Variants in KLRG2 observed in about 807,000 individuals in gnomAD.
KLRG2 encodes the protein killer cell lectin like receptor G2, also known as killer cell lectin-like receptor subfamily G member 2.
Under a neutral mutation model 35.4 loss-of-function variants are expected in KLRG2, and 39 were observed. The ratio of observed to expected loss-of-function variants is 1.10; its 90% CI spans 0.85 to 1.44. KLRG2 has a LOEUF of 1.44. Ranked by LOEUF, KLRG2 falls within the 40% of genes most tolerant of loss-of-function variation. The pLI is 0.00. For synonymous variants in KLRG2, 283 were observed against 265.8 expected, an observed-to-expected ratio of 1.06 and a Z score of -0.63; for missense variants, 632 against 570.9, an observed-to-expected ratio of 1.11 and a Z score of -1.09.
At chr7:139,472,168 C>G (rs148633515) in intron 3 of KLRG2, among the ~76,000 whole-genome samples, 15 of 152,230 alleles carry the variant, frequency 9.9e-5, no homozygotes, top group African/African-American at 3.4e-4. Flanking sequence ...TAGGGACAGT[C>G]CAACAAAACG....
At chr7:139,453,982 C>A (rs1268238786) in intron 4 of KLRG2, 129 bp downstream of exon 4, 39 of 706,570 alleles carry the variant, frequency 5.5e-5, no homozygotes. Flanking sequence ...AGGCACCAGG[C>A]CGCGAGCATG....
chr7:139,474,240 G>A (rs2116469418), intron 3 of KLRG2, among the ~76,000 whole-genome samples: 1 of 152,106 alleles, frequency 6.6e-6, no homozygotes, highest in East Asian at 2.0e-4. Flanking sequence ...TGCGTAGGCT[G>A]ATCTCGAACT....
the KLRG2 span, among the ~76,000 whole-genome samples, chr7:139,445,891 G>T: frequency 6.7e-6 from 1 of 150,312 alleles, no homozygotes; most frequent in South Asian, 2.1e-4. Flanking sequence ...CAGTGCAATG[G>T]CACAATCTCG....
downstream of KLRG2, among the ~76,000 whole-genome samples, chr7:139,451,615 T>A (rs1585159551): frequency 6.6e-6 from 1 of 152,090 alleles, no homozygotes; most frequent in Non-Finnish European, 1.5e-5. Context: ...GGCTTCCCAC[T>A]CCGCTGCCAC....
In KLRG2 at chr7:139,453,766, C is replaced by T. The variant is rs1585160795; in HGVS notation, c.1110-59G>A. ...GTTTAGGGTGCCGGGGCCTTGCTTCCCAGCCAGACCCTCCAGCGTGTGTGC... is the reference window on the plus strand; with the variant it reads ...GTTTAGGGTGCCGGGGCCTTGCTTCTCAGCCAGACCCTCCAGCGTGTGTGC... On this transcript the variant is annotated intron_variant, in intron 4 of 4. Transcript: ENST00000340940. 3.7e-6 allele frequency: 6 copies of T among 1,600,066 alleles called. No individual in the cohort carries two copies. In the East Asian group the frequency reaches 6.7e-5, roughly 18 times the overall value.
At chr7:139,473,782 A>C (rs901133218) in intron 3 of KLRG2, among the ~76,000 whole-genome samples, 1 of 152,150 alleles carries the variant, frequency 6.6e-6, no homozygotes, top group African/African-American at 2.4e-5. Flanking sequence ...AAGACCGAAA[A>C]GATGGCATCC....
intron 3 of KLRG2, among the ~76,000 whole-genome samples, chr7:139,462,112 T>C (rs1212865336): frequency 6.6e-6 from 1 of 152,212 alleles, no homozygotes; most frequent in African/African-American, 2.4e-5. Context: ...CCTTTCCTTT[T>C]CTGGTAGAGA....
chr7:139,444,264 C>A, the KLRG2 span, among the ~76,000 whole-genome samples: 1 of 152,314 alleles, frequency 6.6e-6, no homozygotes, highest in African/African-American at 2.4e-5. Context: ...CAGAACAATA[C>A]TTTGCGTCCT....
Position 139,483,004 on chromosome 7 carries a change from C to T in KLRG2, c.639G>A (p.Pro213=). 2 of 1,377,184 alleles carry T rather than the reference C, an allele frequency of 1.5e-6. No individual in the cohort carries two copies. Among genetic ancestry groups the T allele is most frequent in the Non-Finnish European group, 9.3e-7 (1 of 1,073,464 alleles). The allele number at this position is 1,377,184 out of a possible 1,614,324, so 85.3% of individuals were successfully genotyped here. The change falls in exon 1 of 5, where the codon CCG becomes CCA. Residue 213 remains proline, a synonymous_variant. Transcript: ENST00000340940. ...ASPAEGSAGS[P]GSPTCCRCKE... Reference sequence around the variant, plus strand: ...TGCAGCGGCAGCACGTGGGGGAGCCCGGGGAGCCGGCGCTTCCTTCCGCGG... The same window carrying T: ...TGCAGCGGCAGCACGTGGGGGAGCCTGGGGAGCCGGCGCTTCCTTCCGCGG...
rs572215954 is a variant in KLRG2, at chr7:139,469,003, C to T, written c.1005+10624G>A. 6.6e-5 allele frequency among the ~76,000 whole-genome samples: 10 copies of T among 152,264 alleles called. No individual in the cohort carries two copies. The South Asian group carries it at 2.1e-3, about 32-fold the overall frequency. On this transcript the variant is annotated intron_variant, in intron 3 of 4. Transcript: ENST00000340940. The stretch of plus-strand genomic sequence containing the variant: ...AGGACACAGGGAGAAGGGCCACTAC[C>T]TGAAAGCCAAGGAGAGGCCTCTGGA...
At chr7:139,438,132 C>G in the KLRG2 span, among the ~76,000 whole-genome samples, 51 of 152,360 alleles carry the variant, frequency 3.3e-4, no homozygotes, top group African/African-American at 1.2e-3. Flanking sequence ...CCAGCCAAGG[C>G]CGGGCTAGAG....
intron 3 of KLRG2, among the ~76,000 whole-genome samples, chr7:139,463,805 C>T (rs2116446505): frequency 6.6e-6 from 1 of 152,330 alleles, no homozygotes; most frequent in African/African-American, 2.4e-5. Context: ...TGGACCATCA[C>T]AGATGCTTTG....
downstream of KLRG2, among the ~76,000 whole-genome samples, chr7:139,449,912 A>G (rs941675506): frequency 9.3e-5 from 14 of 151,160 alleles, no homozygotes; most frequent in Non-Finnish European, 1.9e-4. Context: ...CCTGTTAGCC[A>G]GGATGGTCTC....
chr7:139,453,362 C>A lies in KLRG2; in HGVS notation c.*225G>T. ...ACCGATCATCCACAGAAGCTGGAGA[C>A]TAATATTGGCACTCAGGCCTGAGGC... is the stretch of plus-strand genomic sequence containing the variant. On this transcript the variant is annotated 3_prime_UTR_variant, in exon 5 of 5. Transcript: ENST00000340940. 1 of 545,640 alleles carries A rather than the reference C, an allele frequency of 1.8e-6. No homozygotes were observed. The highest frequency in any genetic ancestry group is 3.2e-6 in the Non-Finnish European group (1 of 312,860). 33.8% of individuals were successfully genotyped at this position (545,640 alleles called of 1,614,324 possible).
At chr7:139,469,905 G>A (rs1281950142) in intron 3 of KLRG2, among the ~76,000 whole-genome samples, 2 of 152,226 alleles carry the variant, frequency 1.3e-5, no homozygotes, top group East Asian at 3.8e-4. Context: ...ACTGTGGGGC[G>A]TAAGGAGTAG....
intron 3 of KLRG2, among the ~76,000 whole-genome samples, chr7:139,455,239 G>C (rs936954882): frequency 6.6e-6 from 1 of 151,706 alleles, no homozygotes; most frequent in Non-Finnish European, 1.5e-5. Flanking sequence ...GGCTGGTCTT[G>C]AGCTCCTGGC....
chr7:139,439,686 G>A, the KLRG2 span, among the ~76,000 whole-genome samples: 4 of 152,098 alleles, frequency 2.6e-5, no homozygotes, highest in African/African-American at 9.7e-5. Flanking sequence ...CGTAAAGCTT[G>A]CAGGGTAACA....
intron 3 of KLRG2, among the ~76,000 whole-genome samples, chr7:139,460,246 G>A (rs1365248168): frequency 1.3e-5 from 2 of 152,220 alleles, no homozygotes; most frequent in African/African-American, 4.8e-5. Flanking sequence ...CCTGCCATGG[G>A]GGTTGCGAGG....
rs74954596 is a variant in KLRG2 at position 139,474,359 on chromosome 7, C to G, written c.1005+5268G>C. On this transcript the variant is annotated intron_variant, in intron 3 of 4. Transcript: ENST00000340940. Reference sequence around the variant, plus strand: ...GACTTCTTAATGGCAAGACTAAGAGCTGACAGTCACGGAGAATTCTGGGGA... The same window carrying G: ...GACTTCTTAATGGCAAGACTAAGAGGTGACAGTCACGGAGAATTCTGGGGA... 4.6e-3 allele frequency among the ~76,000 whole-genome samples: 693 copies of G among 152,262 alleles called. 6 individuals carry two copies. Among genetic ancestry groups the G allele is most frequent in the African/African-American group, 0.016 (677 of 41,550 alleles).
Sources: allele counts gnomAD v4.1 joint callset (sites outside exome capture counted in the v4.1 genomes callset), GRCh38; gene constraint gnomAD v4.1.1; transcripts MANE v1.5; gene names NCBI Gene and HGNC (gene_info 2026-07-23, HGNC 2026-07-21).